Variants in TRDN observed in about 807,000 individuals in gnomAD.
The protein encoded by TRDN is triadin in skeletal muscle.
A neutral mutation model predicts 149.7 loss-of-function variants in TRDN; 161 were observed. The ratio of observed to expected loss-of-function variants is 1.08; its 90% CI spans 0.95 to 1.23. The LOEUF is 1.23. Ranked by LOEUF, TRDN falls within the 50% of genes most tolerant of loss-of-function variation. The pLI is 0.00. For missense variants in TRDN, 896 were observed against 823.5 expected (o/e 1.09, Z -1.08); for synonymous variants, 294 against 250.5 (o/e 1.17, Z -1.64).
chr6:123,232,171 G>A (rs1775626025), intron 38 of TRDN, among the ~76,000 whole-genome samples: 1 of 151,204 alleles, frequency 6.6e-6, no homozygotes, highest in Non-Finnish European at 1.5e-5. Context: ...AACCTCTGGG[G>A]AAAAACAGCA....
chr6:123,367,260 T>C (rs1781142463), intron 19 of TRDN, among the ~76,000 whole-genome samples: 1 of 152,164 alleles, frequency 6.6e-6, no homozygotes, highest in Non-Finnish European at 1.5e-5. Context: ...TATTTCCTCA[T>C]TTTATAACTT....
chr6:123,254,176 A>G (rs900213691), intron 37 of TRDN, among the ~76,000 whole-genome samples: 4 of 152,060 alleles, frequency 2.6e-5, no homozygotes, highest in African/African-American at 9.7e-5. Flanking sequence ...ATCTCAAAGG[A>G]TATTAAACAA....
intron 24 of TRDN, among the ~76,000 whole-genome samples, chr6:123,314,075 A>T (rs1323381026): frequency 1.3e-5 from 2 of 152,144 alleles, no homozygotes; most frequent in East Asian, 3.9e-4. Flanking sequence ...TACAGAATGG[A>T]AGAAAATTTT....
At chr6:123,250,442 G>C (rs530243472) in intron 38 of TRDN, among the ~76,000 whole-genome samples, 126 of 151,932 alleles carry the variant, frequency 8.3e-4, no homozygotes, top group African/African-American at 2.9e-3. Context: ...AAAAGGATTC[G>C]GAAAAAGAAT....
intron 10 of TRDN, among the ~76,000 whole-genome samples, chr6:123,455,268 C>T (rs1186433897): frequency 6.6e-6 from 1 of 152,032 alleles, no homozygotes; most frequent in Non-Finnish European, 1.5e-5. Context: ...GTAGATTTCT[C>T]CCAAACCTTT....
chr6:123,494,476 C>T (rs971745152), intron 9 of TRDN, among the ~76,000 whole-genome samples: 9 of 152,008 alleles, frequency 5.9e-5, no homozygotes, highest in Admixed American at 1.3e-4. Flanking sequence ...TTATGATCAA[C>T]AAATAACTAC....
rs571718573 is a variant in TRDN at position 123,567,858 on chromosome 6, C to T, written c.232+3065G>A. Among the ~76,000 whole-genome samples the T allele has an allele frequency of 3.9e-5, 6 of 152,236 alleles. 1 individual carries two copies. In the South Asian group the frequency reaches 1.2e-3, roughly 32 times the overall value. On this transcript the variant is annotated intron_variant, in intron 2 of 40. Coordinates refer to ENST00000334268, the MANE Select transcript of TRDN (RefSeq NM_006073.4). ...AACTATATAATTTTATCTCTGGCCC[C>T]TCAAATCTCATTTTCTTCTCTCACT... is the stretch of plus-strand genomic sequence containing the variant.
chr6:123,352,454 T>C, intron 21 of TRDN, 85 bp downstream of exon 21: 1 of 1,569,338 alleles, frequency 6.4e-7, no homozygotes, highest in Non-Finnish European at 8.6e-7. Flanking sequence ...GTTATTGTCT[T>C]CCGCCTGTCT....
intron 9 of TRDN, among the ~76,000 whole-genome samples, chr6:123,494,918 G>A (rs1778376160): frequency 6.6e-6 from 1 of 151,932 alleles, no homozygotes; most frequent in African/African-American, 2.4e-5. Context: ...ATTTTTAGTA[G>A]AGACGGGGTT....
intron 1 of TRDN, among the ~76,000 whole-genome samples, chr6:123,622,564 A>C (rs1785455272): frequency 6.6e-6 from 1 of 152,148 alleles, no homozygotes; most frequent in African/African-American, 2.4e-5. Flanking sequence ...TTTTACTAAA[A>C]TGAATTTTTA....
At chr6:123,556,970 G>T (rs569588462) in intron 2 of TRDN, among the ~76,000 whole-genome samples, 2 of 152,154 alleles carry the variant, frequency 1.3e-5, no homozygotes, top group African/African-American at 4.8e-5. Context: ...GCCGGTCCCT[G>T]CCTTAACTGA....
At chr6:123,314,126 T>C (rs546512870) in intron 24 of TRDN, among the ~76,000 whole-genome samples, 2 of 152,198 alleles carry the variant, frequency 1.3e-5, no homozygotes, top group East Asian at 3.9e-4. Flanking sequence ...ATCCAGCATC[T>C]ATAAGGAATT....
chr6:123,582,550 C>G (rs1228697528), intron 1 of TRDN, among the ~76,000 whole-genome samples: 1 of 151,764 alleles, frequency 6.6e-6, no homozygotes, highest in Non-Finnish European at 1.5e-5. Context: ...AGTGGGGGCG[C>G]TTTTGAGCCA....
intron 1 of TRDN, among the ~76,000 whole-genome samples, chr6:123,571,508 T>A (rs781338465): frequency 3.3e-5 from 5 of 152,110 alleles, no homozygotes; most frequent in Non-Finnish European, 7.4e-5. Flanking sequence ...GTTTGTTTGT[T>A]TGTTTGTTTG....
chr6:123,485,405 AT>A (rs1219439065), intron 9 of TRDN, among the ~76,000 whole-genome samples: 3 of 152,032 alleles, frequency 2.0e-5, no homozygotes, highest in Non-Finnish European at 2.9e-5. Flanking sequence ...TGATCATCAA[AT>A]TTTTTTTCAT....
At chr6:123,614,590 A>T (rs1410970075) in intron 1 of TRDN, among the ~76,000 whole-genome samples, 1 of 151,632 alleles carries the variant, frequency 6.6e-6, no homozygotes, top group Admixed American at 6.6e-5. Context: ...TTAAAATTTT[A>T]ATCTAAATTT....
chr6:123,538,931 A>C (rs1237117115), intron 4 of TRDN, among the ~76,000 whole-genome samples: 2 of 152,190 alleles, frequency 1.3e-5, no homozygotes, highest in Non-Finnish European at 2.9e-5. Flanking sequence ...AAATGATTGC[A>C]AATAATACCT....
chr6:123,320,917 T>TA (rs1463788353), intron 23 of TRDN, among the ~76,000 whole-genome samples: 1 of 152,102 alleles, frequency 6.6e-6, no homozygotes, highest in African/African-American at 2.4e-5. Context: ...TGAGCATTAA[T>TA]AGAAAATGAA....
chr6:123,488,109 C>CT (rs1314911233), intron 9 of TRDN, among the ~76,000 whole-genome samples: 1 of 152,096 alleles, frequency 6.6e-6, no homozygotes, highest in Non-Finnish European at 1.5e-5. Flanking sequence ...TATTTATACT[C>CT]TAACTTATTT....
Sources: allele counts gnomAD v4.1 joint callset (sites outside exome capture counted in the v4.1 genomes callset), GRCh38; gene constraint gnomAD v4.1.1; transcripts MANE v1.5; gene names NCBI Gene and HGNC (gene_info 2026-07-23, HGNC 2026-07-21).